The following OXR1 variants were observed in gnomAD, a reference collection of about 807,000 sequenced individuals.
The protein encoded by OXR1 is oxidation resistance protein 1.
A neutral mutation model predicts 104.6 loss-of-function variants in OXR1; 41 were observed. The observed-to-expected ratio is 0.39, with a 90% CI of 0.31 to 0.51. The LOEUF (loss-of-function observed/expected upper bound fraction) is 0.51. Ranked by LOEUF, OXR1 falls within the 20% of genes least tolerant of loss-of-function variation. The pLI is 0.77. For missense variants in OXR1, 955 were observed against 1,031.9 expected (o/e 0.93, Z 1.02); for synonymous variants, 348 against 348.4 (o/e 1.00, Z 0.01).
chr8:106,430,332 T>G (rs1454890701), intron 2 of OXR1, among the ~76,000 whole-genome samples: 1 of 152,210 alleles, frequency 6.6e-6, no homozygotes. Context: ...TCCTGTGCTT[T>G]CTTCAAATGT....
chr8:106,466,229 C>T (rs1300732804), intron 2 of OXR1, among the ~76,000 whole-genome samples: 1 of 151,762 alleles, frequency 6.6e-6, no homozygotes, highest in Non-Finnish European at 1.5e-5. Context: ...AAAAGATGAA[C>T]ATTTGTCATT....
rs1445685895 is a variant in OXR1 at position 106,611,732 on chromosome 8, A to G, written c.221-67478A>G. ...AACTGTTCCAAAATTAACTTAGAAC[A>G]TCTTTATTCTTTGCCAGCATTAGGT... On this transcript the variant is annotated intron_variant, in intron 3 of 16. Coordinates refer to ENST00000517566, the MANE Select transcript of OXR1 (RefSeq NM_001198533.2). Among the ~76,000 whole-genome samples, 4 of 152,208 alleles carry G rather than the reference A, an allele frequency of 2.6e-5. No homozygotes were observed. The East Asian group carries it at 7.7e-4, about 29-fold the overall frequency.
At chr8:106,678,488 G>C (rs1382580256) in intron 3 of OXR1, among the ~76,000 whole-genome samples, 2 of 151,696 alleles carry the variant, frequency 1.3e-5, no homozygotes, top group Non-Finnish European at 2.9e-5. Context: ...TTTATGTTTA[G>C]GTAGGAGTGG....
At chr8:106,515,191 A>G (rs1385699566) in intron 2 of OXR1, among the ~76,000 whole-genome samples, 1 of 152,030 alleles carries the variant, frequency 6.6e-6, no homozygotes, top group Non-Finnish European at 1.5e-5. Flanking sequence ...CTTTTTTATT[A>G]GTTGAAAAAT....
intron 14 of OXR1, among the ~76,000 whole-genome samples, chr8:106,741,815 A>G (rs1271954263): frequency 6.6e-6 from 1 of 152,160 alleles, no homozygotes; most frequent in African/African-American, 2.4e-5. Context: ...AAAAAATATC[A>G]TATTTTAAAA....
Position 106,726,243 on chromosome 8 carries a change from A to G in OXR1, c.1957-11277A>G, listed in dbSNP as rs1480981051. 12 of 1,527,148 alleles carry G rather than the reference A, an allele frequency of 7.9e-6. No homozygotes were observed. In the East Asian group the frequency reaches 1.2e-4, roughly 16 times the overall value. The allele number at this position is 1,527,148 out of a possible 1,614,324, so 94.6% of individuals were successfully genotyped here. A position where few individuals can be genotyped will look rare whatever the true frequency, so the allele number is the denominator to read the frequency against. ...GTAACTTAATTTGCCCTGGAAAGGAAATGTCTCGTCTCTGGTATGGGAAAA... is the reference window on the plus strand; with the variant it reads ...GTAACTTAATTTGCCCTGGAAAGGAGATGTCTCGTCTCTGGTATGGGAAAA... On this transcript the variant is annotated intron_variant, in intron 11 of 16. Coordinates refer to ENST00000517566, the MANE Select transcript of OXR1 (RefSeq NM_001198533.2).
At chr8:106,384,401 T>C (rs1041449852) in intron 2 of OXR1, among the ~76,000 whole-genome samples, 8 of 152,190 alleles carry the variant, frequency 5.3e-5, no homozygotes, top group Admixed American at 3.9e-4. Context: ...TTAATGACAG[T>C]GCTGTGCTAC....
rs1816860127 is a variant in OXR1, at chr8:106,563,709, C to G, written c.220+44570C>G. On this transcript the variant is annotated intron_variant, in intron 3 of 16. Transcript: ENST00000517566. ...ACATTCTTCTCAGCACCACATAGCACTTATTCTAAAATTGACTACGTAATT... is the reference window on the plus strand; with the variant it reads ...ACATTCTTCTCAGCACCACATAGCAGTTATTCTAAAATTGACTACGTAATT... 3.9e-5 allele frequency among the ~76,000 whole-genome samples: 6 copies of G among 152,186 alleles called. No individual in the cohort carries two copies. In the South Asian group the frequency reaches 1.0e-3, roughly 26 times the overall value.
intron 3 of OXR1, among the ~76,000 whole-genome samples, chr8:106,633,297 T>TA (rs1277088859): frequency 6.6e-6 from 1 of 151,870 alleles, no homozygotes; most frequent in Non-Finnish European, 1.5e-5. Flanking sequence ...TATTGCATAA[T>TA]AAAAAACACT....
intron 1 of OXR1, among the ~76,000 whole-genome samples, chr8:106,275,485 C>T (rs1272128457): frequency 1.3e-5 from 2 of 152,150 alleles, no homozygotes; most frequent in East Asian, 1.9e-4. Flanking sequence ...TCTAACCACA[C>T]ACTTTCAAAG....
At chr8:106,488,981 A>G (rs962887737) in intron 2 of OXR1, among the ~76,000 whole-genome samples, 11 of 150,080 alleles carry the variant, frequency 7.3e-5, no homozygotes, top group African/African-American at 2.2e-4. Context: ...GTAGCTTGAT[A>G]GGGATGGCAT....
chr8:106,730,183 T>C (rs964352197), intron 11 of OXR1, among the ~76,000 whole-genome samples: 2 of 152,190 alleles, frequency 1.3e-5, no homozygotes, highest in African/African-American at 2.4e-5. Context: ...TTCCCTGTTA[T>C]TCACAAATGA....
intron 3 of OXR1, chr8:106,656,416 A>T (rs1292449102): frequency 6.6e-6 from 1 of 152,234 alleles, no homozygotes; most frequent in Non-Finnish European, 1.5e-5. Flanking sequence ...TTATAAGGGC[A>T]CTAATCGCAT....
intron 1 of OXR1, among the ~76,000 whole-genome samples, chr8:106,321,672 C>A (rs1323948185): frequency 6.6e-6 from 1 of 152,218 alleles, no homozygotes; most frequent in African/African-American, 2.4e-5. Context: ...AAAGGCACAG[C>A]CTCCAGATTC....
chr8:106,303,219 G>A (rs571082364), intron 1 of OXR1, among the ~76,000 whole-genome samples: 1 of 148,086 alleles, frequency 6.8e-6, no homozygotes, highest in East Asian at 2.0e-4. Context: ...TGCTTACTCT[G>A]CCAGGAACTT....
In OXR1 at chr8:106,742,234, T is replaced by A. The variant is rs1834980263; in HGVS notation, c.2329T>A (p.Leu777Ile). The change falls in exon 15 of 17, where the codon TTA becomes ATA. Residue 777 changes from leucine to isoleucine, a missense_variant. By Grantham distance (5) the Leu-to-Ile change is conservative. Coordinates refer to ENST00000517566, the MANE Select transcript of OXR1 (RefSeq NM_001198533.2). Reference protein sequence around the residue: ...KDSDGQVFGALASEPLKVSDG... With the variant: ...KDSDGQVFGAIASEPLKVSDG... ...TTTTTATCCTTAGGTTTTTGGTGCG[T>A]TAGCATCTGAGCCACTGAAAGTGAG... 1 of 1,601,406 alleles carries A rather than the reference T, an allele frequency of 6.2e-7. No individual in the cohort carries two copies. The highest frequency in any genetic ancestry group is 1.3e-5 in the African/African-American group (1 of 74,846).
At chr8:106,531,048 A>G (rs1402905168) in intron 3 of OXR1, among the ~76,000 whole-genome samples, 2 of 152,212 alleles carry the variant, frequency 1.3e-5, no homozygotes, top group Non-Finnish European at 2.9e-5. Context: ...CCAAAATATT[A>G]CATGAAAAAG....
intron 8 of OXR1, 146 bp from the exon 9 acceptor site, chr8:106,706,236 T>G: frequency 1.9e-6 from 1 of 536,470 alleles, no homozygotes; most frequent in Non-Finnish European, 3.1e-6. Context: ...ATTGAATAAA[T>G]CAGATTTTTT....
At chr8:106,318,528 G>A (rs1322252011) in intron 1 of OXR1, among the ~76,000 whole-genome samples, 1 of 152,084 alleles carries the variant, frequency 6.6e-6, no homozygotes, top group Non-Finnish European at 1.5e-5. Flanking sequence ...TCTCTGCCTT[G>A]CCTCAAATGT....
Sources: gnomAD v4.1 joint callset for allele counts (sites outside exome capture counted in the v4.1 genomes callset) on GRCh38, gnomAD v4.1.1 for gene constraint, MANE v1.5 for transcripts, NCBI Gene and HGNC (gene_info 2026-07-23, HGNC 2026-07-21) for gene names.